The following PPM1H variants were observed in gnomAD, a reference collection of about 807,000 sequenced individuals.
The protein encoded by PPM1H is protein phosphatase 1H.
Under a neutral mutation model 54.9 loss-of-function variants are expected in PPM1H, and 27 were observed. The ratio of observed to expected loss-of-function variants is 0.49; its 90% CI spans 0.36 to 0.68. PPM1H has a LOEUF of 0.68. PPM1H is among the 30% of genes least tolerant of loss of function. The probability of loss-of-function intolerance (pLI) is 0.00; values close to 1 mark genes in which losing one functional copy is unlikely to be tolerated. For missense variants in PPM1H, 596 were observed against 667.8 expected, an observed-to-expected ratio of 0.89 and a Z score of 1.19; for synonymous variants, 305 against 270.8, an observed-to-expected ratio of 1.13 and a Z score of -1.24.
At chr12:62,907,079 T>C (rs1871323484) in intron 1 of PPM1H, among the ~76,000 whole-genome samples, 1 of 152,244 alleles carries the variant, frequency 6.6e-6, no homozygotes, top group Non-Finnish European at 1.5e-5. Context: ...TCTTTGGGTT[T>C]ATACCTGACA....
At chr12:62,855,761 C>T (rs1289371046) in intron 1 of PPM1H, among the ~76,000 whole-genome samples, 2 of 152,118 alleles carry the variant, frequency 1.3e-5, no homozygotes, top group Non-Finnish European at 2.9e-5. Flanking sequence ...TGCTTCTTTG[C>T]ATGTCTGGCA....
intron 2 of PPM1H, among the ~76,000 whole-genome samples, chr12:62,830,368 G>C (rs1009548181): frequency 6.6e-6 from 1 of 152,046 alleles, no homozygotes; most frequent in East Asian, 1.9e-4. Flanking sequence ...CCATTCTTCT[G>C]CCTCAGCCTC....
intron 8 of PPM1H, among the ~76,000 whole-genome samples, chr12:62,684,045 C>A (rs1216223027): frequency 6.6e-6 from 1 of 152,180 alleles, no homozygotes; most frequent in Non-Finnish European, 1.5e-5. Flanking sequence ...TATCCTTCTC[C>A]ACTGAACTCT....
At chr12:62,666,688 G>A (rs2075919236) in intron 9 of PPM1H, among the ~76,000 whole-genome samples, 2 of 152,062 alleles carry the variant, frequency 1.3e-5, no homozygotes, top group African/African-American at 4.8e-5. Flanking sequence ...CAACTTAAGG[G>A]GGATTTTTAT....
At chr12:62,817,428 C>T (rs2076877167) in intron 2 of PPM1H, among the ~76,000 whole-genome samples, 1 of 151,276 alleles carries the variant, frequency 6.6e-6, no homozygotes, top group African/African-American at 2.4e-5. Flanking sequence ...CGCCACTGCA[C>T]TCCAGTCTGG....
chr12:62,806,293 C>T (rs922972353), intron 2 of PPM1H, among the ~76,000 whole-genome samples: 2 of 151,916 alleles, frequency 1.3e-5, no homozygotes, highest in East Asian at 1.9e-4. Context: ...GATTTCCATT[C>T]GATTCTGTGT....
intron 2 of PPM1H, among the ~76,000 whole-genome samples, chr12:62,809,830 A>T (rs1040305420): frequency 6.6e-6 from 1 of 151,652 alleles, no homozygotes; most frequent in African/African-American, 2.4e-5. Context: ...AACTTCTCTC[A>T]TTTCCTCTCT....
chr12:62,875,534 T>G (rs560014605), intron 1 of PPM1H, among the ~76,000 whole-genome samples: 23 of 152,104 alleles, frequency 1.5e-4, no homozygotes, highest in African/African-American at 5.1e-4. Flanking sequence ...AAATTAGGCT[T>G]TAGGAATGGG....
At chr12:62,759,444 CCTTCT>C (rs1206421896) in intron 4 of PPM1H, among the ~76,000 whole-genome samples, 1 of 152,224 alleles carries the variant, frequency 6.6e-6, no homozygotes, top group Non-Finnish European at 1.5e-5. Flanking sequence ...TCAATCTCTC[CCTTCT>C]CTTAAGTTCA....
intron 1 of PPM1H, 33 bp from the exon 2 acceptor site, chr12:62,832,312 G>T: frequency 6.3e-7 from 1 of 1,575,610 alleles, no homozygotes; most frequent in Admixed American, 1.8e-5. Context: ...TGGTCAGACA[G>T]ACCGATAAAG....
intron 1 of PPM1H, among the ~76,000 whole-genome samples, chr12:62,887,863 T>C (rs1424617204): frequency 6.6e-6 from 1 of 152,084 alleles, no homozygotes; most frequent in Non-Finnish European, 1.5e-5. Flanking sequence ...GGAGAGCAAC[T>C]GCAAAGGTCT....
intron 2 of PPM1H, among the ~76,000 whole-genome samples, chr12:62,804,642 T>G (rs1306324835): frequency 6.6e-6 from 1 of 151,914 alleles, no homozygotes; most frequent in Non-Finnish European, 1.5e-5. Flanking sequence ...TTTCATTTTT[T>G]TAATGCTTCA....
Position 62,932,218 on chromosome 12 carries a change from T to C in PPM1H, c.245+2274A>G, listed in dbSNP as rs190234871. On this transcript the variant is annotated intron_variant, in intron 1 of 9. Coordinates refer to ENST00000228705, the MANE Select transcript of PPM1H (RefSeq NM_020700.2). ...GTTGAATATCTCTCATGTTTTATTC[T>C]AGGAAAAAAAAATTAACTTTTTAGG... 8.5e-4 allele frequency among the ~76,000 whole-genome samples: 129 copies of C among 151,744 alleles called. 1 individual carries two copies. The highest frequency in any genetic ancestry group is 2.9e-3 in the African/African-American group (120 of 41,408).
rs976539230 is a variant in PPM1H at position 62,844,767 on chromosome 12, C to A, written c.246-12488G>T. Reference sequence around the variant, plus strand: ...TTAATTGAATGAATAAACAAATGAACTCATTTTGCCATAACACCCCATGGG... The same window carrying A: ...TTAATTGAATGAATAAACAAATGAAATCATTTTGCCATAACACCCCATGGG... On this transcript the variant is annotated intron_variant, in intron 1 of 9. Coordinates refer to ENST00000228705, the MANE Select transcript of PPM1H (RefSeq NM_020700.2). The surrounding 1 kb of genome is among the most constrained non-coding windows in gnomAD (Gnocchi z 5.2). Among the ~76,000 whole-genome samples the A allele has an allele frequency of 2.0e-5, 3 of 152,190 alleles. No individual in the cohort carries two copies. The highest frequency in any genetic ancestry group is 1.3e-4 in the Admixed American group (2 of 15,280).
At chr12:62,819,046 C>G (rs1369029469) in intron 2 of PPM1H, among the ~76,000 whole-genome samples, 1 of 151,876 alleles carries the variant, frequency 6.6e-6, no homozygotes, top group Admixed American at 6.6e-5. Flanking sequence ...GTTGCGAACT[C>G]CTGAGCTCAG....
chr12:62,829,213 T>C (rs912935122), intron 2 of PPM1H, among the ~76,000 whole-genome samples: 2 of 152,200 alleles, frequency 1.3e-5, no homozygotes, highest in Admixed American at 6.6e-5. Flanking sequence ...CATTACAACA[T>C]GGGTAAAACC....
chr12:62,654,856 G>A lies in PPM1H; in HGVS notation c.1398-6220C>T, dbSNP rs149767365. ...CCATGTACCCATGTGCTTCAGAAGCGTAAGGACAGCCCCGCCTGAGGGAGA... is the reference window on the plus strand; with the variant it reads ...CCATGTACCCATGTGCTTCAGAAGCATAAGGACAGCCCCGCCTGAGGGAGA... On this transcript the variant is annotated intron_variant, in intron 9 of 9. Coordinates refer to ENST00000228705, the MANE Select transcript of PPM1H (RefSeq NM_020700.2). Among the ~76,000 whole-genome samples the A allele has an allele frequency of 2.6e-4, 40 of 152,280 alleles. No homozygotes were observed. In the East Asian group the frequency reaches 6.4e-3, roughly 24 times the overall value.
chr12:62,676,787 T>C (rs1293215504), intron 8 of PPM1H, among the ~76,000 whole-genome samples: 1 of 151,968 alleles, frequency 6.6e-6, no homozygotes, highest in African/African-American at 2.4e-5. Flanking sequence ...CCTCTTGATG[T>C]AGACAGCCAG....
intron 2 of PPM1H, among the ~76,000 whole-genome samples, chr12:62,827,802 T>A (rs188097940): frequency 6.6e-6 from 1 of 152,140 alleles, no homozygotes; most frequent in Non-Finnish European, 1.5e-5. Flanking sequence ...ACCTTACCCA[T>A]CCCCTTCTCC....
Sources: gnomAD v4.1 joint callset for allele counts (sites outside exome capture counted in the v4.1 genomes callset) on GRCh38, gnomAD v4.1.1 for gene constraint, Gnocchi (gnomAD v3.1) non-coding constraint, MANE v1.5 for transcripts, NCBI Gene and HGNC (gene_info 2026-07-23, HGNC 2026-07-21) for gene names.